ARSB: variants seen among roughly 807,000 people sequenced by gnomAD.
ARSB encodes arylsulfatase B.
Under a neutral mutation model 50.9 loss-of-function variants are expected in ARSB, and 41 were observed. That is an observed-to-expected ratio of 0.81 (90% CI 0.63 to 1.04). The LOEUF (loss-of-function observed/expected upper bound fraction) is 1.04. Ranked by LOEUF, ARSB falls within the 50% of genes least tolerant of loss-of-function variation. The pLI, the probability that ARSB is intolerant of heterozygous loss-of-function variation, is 0.00. For synonymous variants in ARSB, 269 were observed against 284.8 expected (o/e 0.94, Z 0.56); for missense variants, 672 against 693.3 (o/e 0.97, Z 0.35).
At chr5:78,943,345 G>A (rs1460820560) in intron 4 of ARSB, among the ~76,000 whole-genome samples, 7 of 152,218 alleles carry the variant, frequency 4.6e-5, no homozygotes, top group Admixed American at 2.6e-4. Flanking sequence ...TATTTTGCTC[G>A]TTAGTTGATG....
intron 4 of ARSB, among the ~76,000 whole-genome samples, chr5:78,944,941 C>T (rs1465819149): frequency 4.6e-5 from 7 of 152,214 alleles, no homozygotes; most frequent in Non-Finnish European, 7.3e-5. Flanking sequence ...TCGAGCTTCC[C>T]GGCCACTTTG....
chr5:78,954,372 C>A (rs430185), intron 4 of ARSB, among the ~76,000 whole-genome samples: 3 of 151,944 alleles, frequency 2.0e-5, no homozygotes, highest in Non-Finnish European at 4.4e-5. Context: ...GGAAGTTGCA[C>A]ATGTAACAGA....
At chr5:78,956,043 C>A (rs1054955133) in intron 3 of ARSB, among the ~76,000 whole-genome samples, 1 of 152,138 alleles carries the variant, frequency 6.6e-6, no homozygotes, top group Non-Finnish European at 1.5e-5. Context: ...CTAGAGAAAT[C>A]AAAGCATACA....
intron 5 of ARSB, among the ~76,000 whole-genome samples, chr5:78,881,175 T>G (rs1250479602): frequency 6.6e-6 from 1 of 151,676 alleles, no homozygotes; most frequent in East Asian, 1.9e-4. Flanking sequence ...GAGATCGCAG[T>G]GAGCCAAGAT....
intron 4 of ARSB, among the ~76,000 whole-genome samples, chr5:78,895,546 C>T (rs1403222321): frequency 2.0e-5 from 3 of 152,202 alleles, no homozygotes; most frequent in Non-Finnish European, 4.4e-5. Flanking sequence ...CACCTGATAC[C>T]TTGCAAAGGT....
At chr5:78,961,428 A>G (rs234910) in intron 3 of ARSB, among the ~76,000 whole-genome samples, 75,383 of 151,976 alleles carry the variant, frequency 0.5, 19,158 homozygotes, top group African/African-American at 0.64. Context: ...TTTCAGACAC[A>G]ATAGGAAAAT....
At chr5:78,934,135 G>A (rs987232534) in intron 4 of ARSB, among the ~76,000 whole-genome samples, 19 of 152,192 alleles carry the variant, frequency 1.2e-4, no homozygotes, top group Admixed American at 8.5e-4. Flanking sequence ...ATTAGCCCTA[G>A]AAGACCAAAT....
chr5:78,821,888 C>G (rs2112676639), intron 6 of ARSB, among the ~76,000 whole-genome samples: 1 of 152,314 alleles, frequency 6.6e-6, no homozygotes. Context: ...TGGAAACTGT[C>G]ACTCTTCAGA....
At chr5:78,939,473 C>T (rs1375080923) in intron 4 of ARSB, among the ~76,000 whole-genome samples, 1 of 152,060 alleles carries the variant, frequency 6.6e-6, no homozygotes, top group African/African-American at 2.4e-5. Context: ...TGATGTTTCC[C>T]TTCCTGTGTC....
At chr5:78,974,858 A>G (rs1273293295) in intron 1 of ARSB, among the ~76,000 whole-genome samples, 1 of 152,014 alleles carries the variant, frequency 6.6e-6, no homozygotes, top group African/African-American at 2.4e-5. Flanking sequence ...CATGAAAGTC[A>G]CCCCAGGGCT....
chr5:78,898,245 G>A (rs1000124829), intron 4 of ARSB, among the ~76,000 whole-genome samples: 1 of 152,186 alleles, frequency 6.6e-6, no homozygotes, highest in Admixed American at 6.5e-5. Flanking sequence ...CAGCCTGGGC[G>A]ACAGAGTGAG....
intron 4 of ARSB, among the ~76,000 whole-genome samples, chr5:78,946,699 C>T (rs1220646368): frequency 6.6e-6 from 1 of 152,102 alleles, no homozygotes; most frequent in Non-Finnish European, 1.5e-5. Context: ...AACGTCCATA[C>T]TACCCAAAGC....
intron 4 of ARSB, among the ~76,000 whole-genome samples, chr5:78,928,687 G>T (rs1038808315): frequency 1.2e-4 from 18 of 152,184 alleles, no homozygotes; most frequent in African/African-American, 3.9e-4. Flanking sequence ...TTCCATCGAA[G>T]AATCAAAAGA....
rs141166228 is a variant in ARSB at position 78,855,307 on chromosome 5, G to C, written c.1143-15881C>G. Among the ~76,000 whole-genome samples the C allele has an allele frequency of 9.1e-4, 139 of 152,338 alleles. 2 individuals carry two copies. Among genetic ancestry groups the C allele is most frequent in the African/African-American group, 3.2e-3 (134 of 41,574 alleles). On this transcript the variant is annotated intron_variant, in intron 5 of 7. Coordinates refer to ENST00000264914, the MANE Select transcript of ARSB (RefSeq NM_000046.5). ...CCATTTCCCTAGGATGCAGCGTGCT[G>C]CTTTGACTTAGGCATTGGAGGGGCA... is the stretch of plus-strand genomic sequence containing the variant.
chr5:78,974,237 T>C (rs1752574450), intron 1 of ARSB, among the ~76,000 whole-genome samples: 2 of 152,246 alleles, frequency 1.3e-5, no homozygotes, highest in African/African-American at 4.8e-5. Context: ...GCATTATGTG[T>C]GCTAGGGGCC....
chr5:78,929,509 G>A (rs148684030), intron 4 of ARSB, among the ~76,000 whole-genome samples: 62 of 152,030 alleles, frequency 4.1e-4, no homozygotes, highest in African/African-American at 1.4e-3. Context: ...AGAGGAGACT[G>A]GCCCGGCGCA....
chr5:78,855,154 G>T (rs545877716), intron 5 of ARSB, among the ~76,000 whole-genome samples: 6 of 152,184 alleles, frequency 3.9e-5, no homozygotes, highest in African/African-American at 1.4e-4. Flanking sequence ...CTGGGACACA[G>T]GATACCATGT....
intron 6 of ARSB, chr5:78,815,941 C>T: frequency 2.6e-6 from 4 of 1,552,348 alleles, no homozygotes; most frequent in Non-Finnish European, 3.5e-6. Context: ...AGGCACTTTT[C>T]CTATGATGCC....
chr5:78,979,937 T>C (rs147443702), intron 1 of ARSB, among the ~76,000 whole-genome samples: 1 of 152,226 alleles, frequency 6.6e-6, no homozygotes, highest in Non-Finnish European at 1.5e-5. Context: ...AAATGTGGCA[T>C]GTCCATATCA....
Sources: allele counts gnomAD v4.1 joint callset (sites outside exome capture counted in the v4.1 genomes callset), GRCh38; gene constraint gnomAD v4.1.1; transcripts MANE v1.5; gene names NCBI Gene and HGNC (gene_info 2026-07-23, HGNC 2026-07-21).